The following FSTL5 variants were observed in gnomAD, a reference collection of about 807,000 sequenced individuals.
FSTL5 encodes follistatin-related protein 5.
Under a neutral mutation model 89.1 loss-of-function variants are expected in FSTL5, and 62 were observed. The ratio of observed to expected loss-of-function variants is 0.70; its 90% confidence interval spans 0.57 to 0.86. The LOEUF is 0.86. Among genes scored for constraint, FSTL5 ranks in the 40% least tolerant of loss-of-function variants. The pLI is 0.00. For synonymous variants in FSTL5, 383 were observed against 346.2 expected (o/e 1.11, Z -1.18); for missense variants, 1,057 against 1,001.6 (o/e 1.06, Z -0.75).
At chr4:161,513,315 G>GAGAGA (rs1258914843) in intron 10 of FSTL5, among the ~76,000 whole-genome samples, 2 of 115,732 alleles carry the variant, frequency 1.7e-5, no homozygotes, top group Admixed American at 9.4e-5. Context: ...GAGAGACAGA[G>GAGAGA]GAAGAGGAGG....
At chr4:161,451,851 A>G (rs1269469988) in intron 15 of FSTL5, among the ~76,000 whole-genome samples, 2 of 152,166 alleles carry the variant, frequency 1.3e-5, no homozygotes, top group Non-Finnish European at 2.9e-5. Flanking sequence ...CTTTACTTCC[A>G]TTCCTATGAG....
chr4:161,870,219 G>A (rs186543534), intron 4 of FSTL5, among the ~76,000 whole-genome samples: 2 of 152,240 alleles, frequency 1.3e-5, no homozygotes, highest in East Asian at 3.9e-4. Flanking sequence ...GCATATATAA[G>A]TGATGTAGAA....
At chr4:161,708,781 GT>G (rs1738674015) in intron 6 of FSTL5, among the ~76,000 whole-genome samples, 1 of 151,954 alleles carries the variant, frequency 6.6e-6, no homozygotes, top group African/African-American at 2.4e-5. Flanking sequence ...TTATCTTATT[GT>G]TTGCCTGCCA....
chr4:161,621,758 G>C (rs1735132969), intron 7 of FSTL5, among the ~76,000 whole-genome samples: 1 of 149,898 alleles, frequency 6.7e-6, no homozygotes, highest in Non-Finnish European at 1.5e-5. Flanking sequence ...AAGGCCAGTG[G>C]ATCACCTGAG....
intron 7 of FSTL5, among the ~76,000 whole-genome samples, chr4:161,588,307 A>G (rs1275321342): frequency 6.6e-6 from 1 of 152,138 alleles, no homozygotes; most frequent in East Asian, 1.9e-4. Context: ...TACTACTTGT[A>G]TATTATTTAA....
At chr4:162,124,266 C>T (rs1731983247) in intron 1 of FSTL5, among the ~76,000 whole-genome samples, 1 of 152,106 alleles carries the variant, frequency 6.6e-6, no homozygotes, top group African/African-American at 2.4e-5. Context: ...GCAACTCCAT[C>T]AAGATGCTGT....
intron 8 of FSTL5, among the ~76,000 whole-genome samples, chr4:161,567,890 C>T (rs1318797282): frequency 2.6e-5 from 4 of 151,986 alleles, no homozygotes; most frequent in Non-Finnish European, 5.9e-5. Flanking sequence ...ATTTCTAAAA[C>T]GATCTTCCCA....
At chr4:162,028,591 C>A (rs57254073) in intron 3 of FSTL5, among the ~76,000 whole-genome samples, 3,193 of 152,092 alleles carry the variant, frequency 0.021, 150 homozygotes, top group East Asian at 0.19. Context: ...AATAAATAAA[C>A]AAATAAAGAA....
chr4:162,011,429 T>C lies in FSTL5; in HGVS notation c.160+22196A>G, dbSNP rs145624348. Among the ~76,000 whole-genome samples the C allele has an allele frequency of 1.3e-3, 191 of 152,286 alleles. 2 individuals carry two copies. The highest frequency in any genetic ancestry group is 4.4e-3 in the African/African-American group (184 of 41,564). On this transcript the variant is annotated intron_variant, in intron 3 of 15. Transcript: ENST00000306100. ...ATATTTTTCTTAAAATTGGAAGACATACTTTTCCTGTGTTTCCTGACTCTT... is the reference window on the plus strand; with the variant it reads ...ATATTTTTCTTAAAATTGGAAGACACACTTTTCCTGTGTTTCCTGACTCTT...
At chr4:161,586,401 T>C (rs1378855421) in intron 8 of FSTL5, among the ~76,000 whole-genome samples, 1 of 152,194 alleles carries the variant, frequency 6.6e-6, no homozygotes, top group Non-Finnish European at 1.5e-5. Flanking sequence ...TTCAAAGTAG[T>C]AAATGGCACA....
chr4:161,715,666 T>C lies in FSTL5; in HGVS notation c.727+43745A>G, dbSNP rs539513478. On this transcript the variant is annotated intron_variant, in intron 6 of 15. Coordinates refer to ENST00000306100, the MANE Select transcript of FSTL5 (RefSeq NM_020116.5). ...CTAACTCCTACAACCAAGTTCCATC[T>C]CAATAGCTCCACTTAGATGCTGATA... Among the ~76,000 whole-genome samples, 96 of 152,294 alleles carry C rather than the reference T, an allele frequency of 6.3e-4. 1 individual carries two copies. The highest frequency in any genetic ancestry group is 2.0e-3 in the African/African-American group (82 of 41,562).
At chr4:161,480,732 A>G (rs1729474576) in intron 13 of FSTL5, among the ~76,000 whole-genome samples, 1 of 152,152 alleles carries the variant, frequency 6.6e-6, no homozygotes, top group Admixed American at 6.5e-5. Context: ...TCCTTGCTCT[A>G]GACAGAATAA....
intron 11 of FSTL5, among the ~76,000 whole-genome samples, chr4:161,509,737 C>A (rs1730593804): frequency 6.6e-6 from 1 of 152,118 alleles, no homozygotes; most frequent in Non-Finnish European, 1.5e-5. Flanking sequence ...TTAAGAATTT[C>A]ATTTAACCAC....
intron 3 of FSTL5, among the ~76,000 whole-genome samples, chr4:161,972,762 AT>A (rs1735521403): frequency 6.6e-6 from 1 of 152,226 alleles, no homozygotes; most frequent in African/African-American, 2.4e-5. Flanking sequence ...AGAAACTGTT[AT>A]GTATAAATGT....
intron 3 of FSTL5, among the ~76,000 whole-genome samples, chr4:161,981,627 G>A (rs1735829768): frequency 6.6e-6 from 1 of 152,062 alleles, no homozygotes; most frequent in South Asian, 2.1e-4. Context: ...ACATATGATT[G>A]TATTCTCAAC....
chr4:161,915,781 GAACA>G (rs146348133), intron 4 of FSTL5, among the ~76,000 whole-genome samples: 77,670 of 151,132 alleles, frequency 0.51, 20,470 homozygotes, highest in Middle Eastern at 0.68. Flanking sequence ...AAACAAAACA[GAACA>G]AACAAACAAA....
At chr4:162,067,208 C>G (rs573121905) in intron 2 of FSTL5, among the ~76,000 whole-genome samples, 29 of 152,018 alleles carry the variant, frequency 1.9e-4, no homozygotes, top group Non-Finnish European at 5.9e-5. Context: ...GCCATGCCCC[C>G]ACACCCAACA....
At chr4:162,019,509 A>T (rs1481340790) in intron 3 of FSTL5, among the ~76,000 whole-genome samples, 1 of 152,078 alleles carries the variant, frequency 6.6e-6, no homozygotes, top group Non-Finnish European at 1.5e-5. Context: ...TGATTAAAAA[A>T]TGTATCATAT....
At chr4:161,405,175 G>A (rs367616791) in intron 15 of FSTL5, among the ~76,000 whole-genome samples, 7 of 151,956 alleles carry the variant, frequency 4.6e-5, no homozygotes, top group African/African-American at 1.5e-4. Context: ...AGAAGTTGCA[G>A]TGAGCCGAGA....
Sources: gnomAD v4.1 joint callset for allele counts (sites outside exome capture counted in the v4.1 genomes callset) on GRCh38, gnomAD v4.1.1 for gene constraint, MANE v1.5 for transcripts, NCBI Gene and HGNC (gene_info 2026-07-23, HGNC 2026-07-21) for gene names.